The following FUT8 variants were observed in gnomAD, a reference collection of about 807,000 sequenced individuals.
The protein encoded by FUT8 is fucosyltransferase 8.
FUT8 carries 29 observed loss-of-function variants against 71.3 expected under a neutral mutation model. That is an observed-to-expected ratio of 0.41 (90% confidence interval 0.30 to 0.55). FUT8 has a LOEUF of 0.55. Ranked by LOEUF, FUT8 falls within the 20% of genes least tolerant of loss-of-function variation. FUT8 has a pLI of 0.34. For missense variants in FUT8, 544 were observed against 702.1 expected (o/e 0.77, Z 2.55); for synonymous variants, 254 against 239.3 (o/e 1.06, Z -0.57).
chr14:65,400,047 T>C, the FUT8 span, among the ~76,000 whole-genome samples: 1 of 152,342 alleles, frequency 6.6e-6, no homozygotes, highest in South Asian at 2.1e-4. Flanking sequence ...AAAAATATAT[T>C]TTGCTATTTT....
At chr14:65,687,080 A>AT (rs1339440126) in intron 7 of FUT8, among the ~76,000 whole-genome samples, 1 of 152,210 alleles carries the variant, frequency 6.6e-6, no homozygotes. Flanking sequence ...TCCTTGAATC[A>AT]TTCCAGGACT....
chr14:65,619,181 G>T (rs778109861), intron 5 of FUT8, among the ~76,000 whole-genome samples: 2 of 152,172 alleles, frequency 1.3e-5, no homozygotes, highest in African/African-American at 4.8e-5. Context: ...AATAGTAGTA[G>T]TAATACTAAG....
At chr14:65,609,070 G>A (rs1473286882) in intron 3 of FUT8, among the ~76,000 whole-genome samples, 1 of 151,820 alleles carries the variant, frequency 6.6e-6, no homozygotes, top group Non-Finnish European at 1.5e-5. Context: ...CAAGGCGGGT[G>A]GATCACCTGA....
chr14:65,656,017 A>T (rs1355314014), intron 6 of FUT8, among the ~76,000 whole-genome samples: 1 of 152,072 alleles, frequency 6.6e-6, no homozygotes, highest in Non-Finnish European at 1.5e-5. Flanking sequence ...TGGGGGAGAA[A>T]CTGAAAGACT....
chr14:65,674,953 A>G, intron 7 of FUT8, among the ~76,000 whole-genome samples: 1 of 152,220 alleles, frequency 6.6e-6, no homozygotes. Context: ...GCAGGTACAT[A>G]AGGACTTTTG....
chr14:65,515,319 A>G (rs935505374), intron 2 of FUT8, among the ~76,000 whole-genome samples: 3 of 152,166 alleles, frequency 2.0e-5, no homozygotes, highest in African/African-American at 7.2e-5. Flanking sequence ...AGCTTACTGC[A>G]TTACAGTTAC....
chr14:65,664,720 C>G (rs2140358932), intron 6 of FUT8, among the ~76,000 whole-genome samples: 1 of 152,188 alleles, frequency 6.6e-6, no homozygotes. Context: ...GATAATATCC[C>G]TGGAAAATAG....
chr14:65,499,738 A>T (rs1467921621), intron 2 of FUT8, among the ~76,000 whole-genome samples: 1 of 151,502 alleles, frequency 6.6e-6, no homozygotes, highest in South Asian at 2.1e-4. Context: ...GCTTGAGTCC[A>T]TCGAGGTCTA....
At chr14:65,634,049 C>T (rs1259639116) in intron 6 of FUT8, among the ~76,000 whole-genome samples, 3 of 152,256 alleles carry the variant, frequency 2.0e-5, no homozygotes, top group Non-Finnish European at 2.9e-5. Context: ...GGCCACCACC[C>T]GGTCTGGGAG....
intron 2 of FUT8, among the ~76,000 whole-genome samples, chr14:65,542,814 C>T (rs2139968361): frequency 6.6e-6 from 1 of 151,940 alleles, no homozygotes; most frequent in Non-Finnish European, 1.5e-5. Flanking sequence ...CGGAGTTTTG[C>T]TCTTGTTGCC....
At position 65,640,686 on chromosome 14, in the gene FUT8, TAGAATGGATATA is replaced by T. The variant is rs1397059044; in HGVS notation, c.597+11082_597+11093del. ...AGTGCTACATTAGAGAGTATTAACA[TAGAATGGATATA>T]AATAAATGAGTTAATGAGTAAATGA... On this transcript the variant is annotated intron_variant, in intron 6 of 10. Coordinates refer to ENST00000673929, the MANE Select transcript of FUT8 (RefSeq NM_001371533.1). Among the ~76,000 whole-genome samples the T allele has an allele frequency of 5.3e-5, 8 of 152,096 alleles. No homozygotes were observed. In the East Asian group the frequency reaches 1.5e-3, roughly 29 times the overall value.
intron 7 of FUT8, among the ~76,000 whole-genome samples, chr14:65,693,322 C>T (rs1331854895): frequency 6.6e-6 from 1 of 152,246 alleles, no homozygotes; most frequent in East Asian, 1.9e-4. Context: ...CCAGCCAACA[C>T]AGCGAAACCC....
chr14:65,528,581 A>T (rs545420908), intron 2 of FUT8, among the ~76,000 whole-genome samples: 2 of 152,266 alleles, frequency 1.3e-5, no homozygotes, highest in Non-Finnish European at 2.9e-5. Flanking sequence ...GACAATCCCC[A>T]GTGAGATGAA....
chr14:65,472,081 C>G lies in FUT8; in HGVS notation c.-228+16363C>G, dbSNP rs2066155868. ...GTTTTGTGTTGCTATGTAGGAATACCTGAGGCTAGGTAATTTATAAAGAGT... is the reference window on the plus strand; with the variant it reads ...GTTTTGTGTTGCTATGTAGGAATACGTGAGGCTAGGTAATTTATAAAGAGT... On this transcript the variant is annotated intron_variant, in intron 2 of 10. Coordinates refer to ENST00000673929, the MANE Select transcript of FUT8 (RefSeq NM_001371533.1). This position sits in a 1 kb window ranked among gnomAD's most constrained non-coding sequence, Gnocchi z 4.4. 6.6e-6 allele frequency among the ~76,000 whole-genome samples: 1 copy of G among 152,062 alleles called. No homozygotes were observed. The highest frequency in any genetic ancestry group is 2.1e-4 in the South Asian group (1 of 4,826).
chr14:65,549,606 A>G (rs555179203), intron 2 of FUT8, among the ~76,000 whole-genome samples: 1 of 152,342 alleles, frequency 6.6e-6, no homozygotes, highest in South Asian at 2.1e-4. Context: ...GGAAGTGCTT[A>G]CAGATTTCCA....
chr14:65,727,656 C>A (rs1895754560), intron 9 of FUT8, among the ~76,000 whole-genome samples: 1 of 152,142 alleles, frequency 6.6e-6, no homozygotes, highest in South Asian at 2.1e-4. Context: ...TCTGACATAC[C>A]CTGGAGACAT....
rs974421863 is a variant in FUT8 at position 65,629,611 on chromosome 14, G to A, written c.597+5G>A. On this transcript the variant is annotated splice_donor_5th_base_variant and intron_variant, in intron 6 of 10. Coordinates refer to ENST00000673929, the MANE Select transcript of FUT8 (RefSeq NM_001371533.1). ...CGGAGAATAACATATCTTCAGGTAA[G>A]AAGGTTGGGTTAAGAATAAATTTGA... 1 of 1,588,528 alleles carries A rather than the reference G, an allele frequency of 6.3e-7. No individual in the cohort carries two copies.
intron 3 of FUT8, among the ~76,000 whole-genome samples, chr14:65,568,265 C>G (rs955974604): frequency 6.6e-6 from 1 of 151,590 alleles, no homozygotes. Context: ...AGTAATGTCT[C>G]CTTTTTCATT....
At chr14:65,623,264 A>G (rs2140245683) in intron 5 of FUT8, among the ~76,000 whole-genome samples, 1 of 152,154 alleles carries the variant, frequency 6.6e-6, no homozygotes, top group Middle Eastern at 3.4e-3. Context: ...TCAGTGGCAT[A>G]GAGGCAGACT....
Sources: gnomAD v4.1 joint callset for allele counts (sites outside exome capture counted in the v4.1 genomes callset) on GRCh38, gnomAD v4.1.1 for gene constraint, Gnocchi (gnomAD v3.1) non-coding constraint, MANE v1.5 for transcripts, NCBI Gene and HGNC (gene_info 2026-07-23, HGNC 2026-07-21) for gene names.